Variants in PDE4D observed in about 807,000 individuals in gnomAD.
PDE4D encodes phosphodiesterase 4D, also known as 3',5'-cyclic-AMP phosphodiesterase 4D.
Under a neutral mutation model 87.4 loss-of-function variants are expected in PDE4D, and 24 were observed. The ratio of observed to expected loss-of-function variants is 0.27; its 90% CI spans 0.20 to 0.39. PDE4D has a LOEUF of 0.39. Ranked by LOEUF, PDE4D falls within the 10% of genes least tolerant of loss-of-function variation. The pLI, the probability that PDE4D is intolerant of heterozygous loss-of-function variation, is 1.00. For missense variants in PDE4D, 714 were observed against 1,041.0 expected (o/e 0.69, Z 4.32); for synonymous variants, 384 against 383.2 (o/e 1.00, Z -0.02).
At chr5:59,996,032 G>A (rs938001741) in intron 2 of PDE4D, among the ~76,000 whole-genome samples, 1 of 152,148 alleles carries the variant, frequency 6.6e-6, no homozygotes, top group East Asian at 1.9e-4. Flanking sequence ...ACACATAATA[G>A]GGAATTTCTA....
chr5:60,343,449 CAAT>C lies in PDE4D; in HGVS notation c.-90+144490_-90+144492del, dbSNP rs937181090. Among the ~76,000 whole-genome samples the C allele has an allele frequency of 6.8e-4, 103 of 152,224 alleles. 1 individual carries two copies. Among genetic ancestry groups the C allele is most frequent in the Admixed American group, 6.0e-3 (92 of 15,296 alleles). On this transcript the variant is annotated intron_variant, in intron 1 of 16. Transcript: ENST00000502484. ...CTGCAAATGGCACCAATGATGATAACAATGATGATGATGATGACGATGATAATG... is the reference window on the plus strand; with the variant it reads ...CTGCAAATGGCACCAATGATGATAACGATGATGATGATGACGATGATAATG...
At chr5:59,865,984 CCTGA>C (rs1312192989) in intron 1 of PDE4D, among the ~76,000 whole-genome samples, 2 of 152,156 alleles carry the variant, frequency 1.3e-5, no homozygotes, top group African/African-American at 2.4e-5. Context: ...TCCTTTAAGC[CCTGA>C]CTATGATCTT....
intron 2 of PDE4D, among the ~76,000 whole-genome samples, chr5:60,061,502 C>T (rs1429625445): frequency 6.6e-6 from 1 of 152,140 alleles, no homozygotes; most frequent in Non-Finnish European, 1.5e-5. Context: ...AATGGCCATA[C>T]AGCCCAAAGT....
chr5:59,528,530 C>T (rs991287898), intron 1 of PDE4D, among the ~76,000 whole-genome samples: 3 of 152,068 alleles, frequency 2.0e-5, no homozygotes, highest in African/African-American at 7.2e-5. Context: ...TACGATGTGG[C>T]AGCCAGTGTC....
At chr5:59,156,317 A>AT (rs1271869923) in intron 5 of PDE4D, among the ~76,000 whole-genome samples, 769 of 70,104 alleles carry the variant, frequency 0.011, 11 homozygotes, top group East Asian at 0.015. Flanking sequence ...CAGAAAAAAA[A>AT]AAAATATATA....
intron 5 of PDE4D, among the ~76,000 whole-genome samples, chr5:59,075,102 AC>A (rs1765471046): frequency 6.6e-6 from 1 of 151,312 alleles, no homozygotes. Context: ...ACACACACAC[AC>A]ACACACACAC....
intron 2 of PDE4D, among the ~76,000 whole-genome samples, chr5:60,136,774 T>C (rs1780085664): frequency 6.6e-6 from 1 of 152,186 alleles, no homozygotes; most frequent in South Asian, 2.1e-4. Context: ...TTTTTTCAGA[T>C]TAACTTGCAT....
intron 1 of PDE4D, among the ~76,000 whole-genome samples, chr5:59,434,224 A>C (rs1374037732): frequency 5.3e-5 from 3 of 56,700 alleles, no homozygotes; most frequent in Admixed American, 1.8e-4. Flanking sequence ...GTTCCTAAAG[A>C]AGTCTCATCT....
At chr5:59,229,139 A>C (rs1477885014) in intron 1 of PDE4D, among the ~76,000 whole-genome samples, 7 of 152,180 alleles carry the variant, frequency 4.6e-5, no homozygotes, top group Non-Finnish European at 8.8e-5. Flanking sequence ...CCACAAGTGC[A>C]GAGATTTTTT....
chr5:59,046,420 A>ATGTGTGTGTGTGTG (rs34085161), intron 5 of PDE4D, among the ~76,000 whole-genome samples: 15 of 143,436 alleles, frequency 1.0e-4, no homozygotes, highest in African/African-American at 3.9e-4. Context: ...GAGAGAGAGA[A>ATGTGTGTGTGTGTG]TGTGTGTGTG....
intron 1 of PDE4D, among the ~76,000 whole-genome samples, chr5:59,823,802 T>C (rs896211766): frequency 6.7e-6 from 1 of 150,038 alleles, no homozygotes; most frequent in Admixed American, 6.7e-5. Flanking sequence ...CATTTTTTTT[T>C]TAAGATAACA....
chr5:60,201,211 A>G (rs555239717), intron 1 of PDE4D, among the ~76,000 whole-genome samples: 13 of 150,804 alleles, frequency 8.6e-5, no homozygotes, highest in Non-Finnish European at 1.9e-4. Flanking sequence ...GAAAGCAAAA[A>G]AAAAAAAAAA....
intron 1 of PDE4D, among the ~76,000 whole-genome samples, chr5:60,266,410 G>A (rs1412662375): frequency 6.6e-6 from 1 of 152,178 alleles, no homozygotes; most frequent in African/African-American, 2.4e-5. Flanking sequence ...AATTTTTGTA[G>A]AGAAAGAAAA....
At chr5:59,119,833 T>C (rs184293478) in intron 5 of PDE4D, among the ~76,000 whole-genome samples, 1 of 152,274 alleles carries the variant, frequency 6.6e-6, no homozygotes, top group Non-Finnish European at 1.5e-5. Context: ...CAAATTAAAA[T>C]TCTGCTTTTT....
intron 1 of PDE4D, among the ~76,000 whole-genome samples, chr5:59,309,068 C>T (rs1772026636): frequency 6.6e-6 from 1 of 152,140 alleles, no homozygotes. Flanking sequence ...TCCACGCAAA[C>T]CCAAACCAAA....
In PDE4D at chr5:59,287,086, C is replaced by T. The variant is rs367778123; in HGVS notation, c.456-71118G>A. Among the ~76,000 whole-genome samples the T allele has an allele frequency of 6.8e-4, 104 of 152,258 alleles. 1 individual carries two copies. Among genetic ancestry groups the T allele is most frequent in the African/African-American group, 2.4e-3 (98 of 41,542 alleles). On this transcript the variant is annotated intron_variant, in intron 1 of 14. Coordinates refer to ENST00000340635, the MANE Select transcript of PDE4D (RefSeq NM_001104631.2). ...AGCTTAGGTACCAGCTTAGCCACAG[C>T]AGGGTAAAGCACCAAAGGGGTTCTA...
chr5:59,490,918 G>A (rs974837614), intron 1 of PDE4D, among the ~76,000 whole-genome samples: 6 of 152,190 alleles, frequency 3.9e-5, no homozygotes, highest in Admixed American at 2.0e-4. Context: ...ATACATAGTG[G>A]AGGGAAAGAA....
intron 5 of PDE4D, among the ~76,000 whole-genome samples, chr5:59,126,230 A>T (rs2153448639): frequency 6.6e-6 from 1 of 152,296 alleles, no homozygotes; most frequent in African/African-American, 2.4e-5. Flanking sequence ...CAAAACAAAA[A>T]TGAAAGCAAA....
chr5:60,238,994 A>G (rs1249513525), intron 1 of PDE4D, among the ~76,000 whole-genome samples: 1 of 152,064 alleles, frequency 6.6e-6, no homozygotes, highest in Non-Finnish European at 1.5e-5. Flanking sequence ...TAGCATTCCA[A>G]TAATGGAACA....
Sources: gnomAD v4.1 joint callset for allele counts (sites outside exome capture counted in the v4.1 genomes callset) on GRCh38, gnomAD v4.1.1 for gene constraint, MANE v1.5 for transcripts, NCBI Gene and HGNC (gene_info 2026-07-23, HGNC 2026-07-21) for gene names.